The following ANXA6 variants were observed in gnomAD, a reference collection of about 807,000 sequenced individuals.
ANXA6 encodes the protein annexin A6, also known as 67 kDa calelectrin.
ANXA6 carries 71 observed loss-of-function variants against 95.4 expected under a neutral mutation model. The observed-to-expected ratio is 0.74, with a 90% CI of 0.61 to 0.91. ANXA6 has a LOEUF of 0.91. Ranked by LOEUF, ANXA6 falls within the 40% of genes least tolerant of loss-of-function variation. The pLI, the probability that ANXA6 is intolerant of heterozygous loss-of-function variation, is 0.00. For synonymous variants in ANXA6, 289 were observed against 315.9 expected (o/e 0.91, Z 0.90); for missense variants, 830 against 876.4 (o/e 0.95, Z 0.67).
At chr5:151,143,989 C>T (rs114337841) in intron 2 of ANXA6, among the ~76,000 whole-genome samples, 1,538 of 152,246 alleles carry the variant, frequency 0.01, 26 homozygotes, top group African/African-American at 0.034. Context: ...AAAGCCAGCC[C>T]AGAGTCTGCA....
intron 1 of ANXA6, among the ~76,000 whole-genome samples, chr5:151,152,509 A>G (rs1766132885): frequency 6.6e-6 from 1 of 152,196 alleles, no homozygotes; most frequent in Admixed American, 6.5e-5. Flanking sequence ...TGAAGATTCA[A>G]TGAAATAAGG....
chr5:151,116,603 C>T (rs1182343968), intron 20 of ANXA6, among the ~76,000 whole-genome samples: 1 of 152,232 alleles, frequency 6.6e-6, no homozygotes, highest in Non-Finnish European at 1.5e-5. Flanking sequence ...TTATTGAGCA[C>T]TGATCATGTG....
At chr5:151,130,866 T>G (rs1370798590) in intron 11 of ANXA6, among the ~76,000 whole-genome samples, 1 of 152,180 alleles carries the variant, frequency 6.6e-6, no homozygotes, top group Non-Finnish European at 1.5e-5. Context: ...TGTCACAGGG[T>G]GAGCATCATG....
intron 13 of ANXA6, among the ~76,000 whole-genome samples, chr5:151,127,873 A>AC (rs1307379179): frequency 2.6e-5 from 4 of 152,144 alleles, no homozygotes; most frequent in Admixed American, 2.0e-4. Context: ...AATGGCTATG[A>AC]AATAGCAGGG....
Position 151,105,270 on chromosome 5 carries a change from G to T in ANXA6, c.1814C>A (p.Ala605Asp). The change falls in exon 24 of 26, where the codon GCC (alanine) becomes GAC (aspartate). Residue 605 changes from alanine (A) to aspartate (D), a missense_variant. Physicochemically the swap from Ala to Asp is moderately radical, Grantham distance 126 (BLOSUM62 -2). Transcript: ENST00000354546. ...CTTCATGGATTTGTAAAGTTTGTCGGCAAAGAAGAGAGGCTTGTTCTTGAC... is the reference window on the plus strand; with the variant it reads ...CTTCATGGATTTGTAAAGTTTGTCGTCAAAGAAGAGAGGCTTGTTCTTGAC... ...QSVKNKPLFF[A>D]DKLYKSMKGA... The T allele has an allele frequency of 6.2e-7, 1 of 1,613,958 alleles. No individual in the cohort carries two copies. The highest frequency in any genetic ancestry group is 8.5e-7 in the Non-Finnish European group (1 of 1,179,826).
intron 11 of ANXA6, among the ~76,000 whole-genome samples, chr5:151,129,916 G>A (rs139312540): frequency 2.8e-4 from 43 of 152,218 alleles, no homozygotes; most frequent in African/African-American, 1.0e-3. Flanking sequence ...TTGCCATGTT[G>A]GCCAGGCTGG....
chr5:151,119,726 C>A (rs867138929), intron 17 of ANXA6, among the ~76,000 whole-genome samples: 3 of 152,202 alleles, frequency 2.0e-5, no homozygotes, highest in Non-Finnish European at 4.4e-5. Context: ...CACGCACATG[C>A]CTCACAGTGT....
In ANXA6 at chr5:151,134,483, C is replaced by A. The variant is rs532319531; in HGVS notation, c.490G>T (p.Gly164Ter). The part of the protein sequence containing the change: ...FQKMLVVLLQ[G>*]TREEDDVVSE... ...ACTACGTCATCCTCCTCCCTGGTTC[C>A]CTGGGCAGAAAGACAAAGAACATGT... The change falls in exon 8 of 26, where the codon GGA (glycine) becomes TGA (stop). Residue 164 changes from glycine (G) to a stop codon, truncating the protein, a stop_gained and splice_region_variant. Transcript: ENST00000354546. LOFTEE classifies it high-confidence loss of function. 4 of 1,613,998 alleles carry A rather than the reference C, an allele frequency of 2.5e-6. No homozygotes were observed. In the South Asian group the frequency reaches 4.4e-5, roughly 18 times the overall value.
chr5:151,123,121 C>T (rs1765220018), intron 15 of ANXA6, 110 bp from the exon 16 acceptor site: 3 of 965,508 alleles, frequency 3.1e-6, no homozygotes, highest in Admixed American at 3.8e-5. Context: ...AGAAGCCTGG[C>T]TAAGCGGCCA....
intron 1 of ANXA6, among the ~76,000 whole-genome samples, chr5:151,154,303 A>G (rs1474299509): frequency 4.9e-5 from 1 of 20,294 alleles, no homozygotes; most frequent in Non-Finnish European, 1.0e-4. Flanking sequence ...CAGTATATAT[A>G]TATATATATA....
chr5:151,154,370 G>C (rs1238261138), intron 1 of ANXA6, among the ~76,000 whole-genome samples: 4 of 150,534 alleles, frequency 2.7e-5, no homozygotes, highest in Middle Eastern at 3.5e-3. Flanking sequence ...GAAAAATTGA[G>C]TATTTACCAT....
intron 19 of ANXA6, 128 bp downstream of exon 19, chr5:151,117,630 G>T: frequency 1.2e-6 from 1 of 802,320 alleles, no homozygotes; most frequent in Non-Finnish European, 2.0e-6. Context: ...AAGGAGGCAA[G>T]TGGGGAGACA....
At chr5:151,121,859 C>A (rs575409303) in intron 17 of ANXA6, among the ~76,000 whole-genome samples, 7 of 152,224 alleles carry the variant, frequency 4.6e-5, no homozygotes, top group African/African-American at 1.7e-4. Flanking sequence ...ACATATGCCA[C>A]CATGAGGAGA....
Position 151,101,342 on chromosome 5 carries a change from A to ACCCCCCCCCCCCCCCCCC in ANXA6, c.*105_*106insGGGGGGGGGGGGGGGGGG. 6.8e-6 allele frequency: 1 copy of ACCCCCCCCCCCCCCCCCC among 146,856 alleles called. No individual in the cohort carries two copies. Among genetic ancestry groups the ACCCCCCCCCCCCCCCCCC allele is most frequent in the Non-Finnish European group, 1.4e-5 (1 of 69,368 alleles). The allele number at this position is 146,856 out of a possible 1,614,324, so 9.1% of individuals were successfully genotyped here. ...AGAGCCCAACCCAACCCCTCCCCCCACCCCTGCCCCTTCCTTAGTCTCTGG... is the reference window on the plus strand; with the variant it reads ...AGAGCCCAACCCAACCCCTCCCCCCACCCCCCCCCCCCCCCCCCCCCCTGCCCCTTCCTTAGTCTCTGG... On this transcript the variant is annotated 3_prime_UTR_variant, in exon 26 of 26. Transcript: ENST00000354546.
rs540546583 is a variant in ANXA6, at chr5:151,109,791, G to A, written c.1646C>T (p.Thr549Met). The A allele has an allele frequency of 3.0e-5, 49 of 1,611,616 alleles. No homozygotes were observed. Among genetic ancestry groups the A allele is most frequent in the South Asian group, 1.1e-4 (10 of 90,516 alleles). Residue 549 changes from threonine (T) to methionine (M), a missense_variant, in exon 22 of 26, where the codon ACG becomes ATG. Transcript: ENST00000354546. ...CGGATAGCTCCGGGTACACAGGATCGTCATGAAACGTGTCTCCAAGGAAGT... is the reference window on the plus strand; with the variant it reads ...CGGATAGCTCCGGGTACACAGGATCATCATGAAACGTGTCTCCAAGGAAGT... ...DKTSLETRFM[T>M]ILCTRSYPHL...
chr5:151,137,352 G>C (rs1165146905), intron 5 of ANXA6, 31 bp from the exon 6 acceptor site: 1 of 1,569,492 alleles, frequency 6.4e-7, no homozygotes, highest in Middle Eastern at 2.1e-4. Flanking sequence ...CATGAATTAA[G>C]GGCAGGGATG....
chr5:151,114,601 G>A (rs949677595), intron 20 of ANXA6, among the ~76,000 whole-genome samples: 18 of 105,030 alleles, frequency 1.7e-4, no homozygotes, highest in Non-Finnish European at 2.4e-4. Flanking sequence ...GCAACAGAGC[G>A]AGACTCCGTC....
At chr5:151,108,852 G>A (rs148837530) in intron 22 of ANXA6, among the ~76,000 whole-genome samples, 6 of 152,310 alleles carry the variant, frequency 3.9e-5, no homozygotes, top group East Asian at 1.9e-4. Context: ...AAAGGAGCAC[G>A]GGTCCTAGTC....
chr5:151,132,694 G>A (rs971853877), intron 9 of ANXA6, 123 bp from the exon 10 acceptor site: 2 of 770,976 alleles, frequency 2.6e-6, no homozygotes, highest in Non-Finnish European at 4.1e-6. Context: ...GCTAGGGCTG[G>A]TGCTATGATG....
Sources: gnomAD v4.1 joint callset for allele counts (sites outside exome capture counted in the v4.1 genomes callset) on GRCh38, gnomAD v4.1.1 for gene constraint, MANE v1.5 for transcripts, NCBI Gene and HGNC (gene_info 2026-07-23, HGNC 2026-07-21) for gene names.